Variants in CDYL observed in about 807,000 individuals in gnomAD.
CDYL encodes the protein chromodomain Y-like protein.
A neutral mutation model predicts 47.3 loss-of-function variants in CDYL; 8 were observed. The observed-to-expected ratio is 0.17, with a 90% confidence interval of 0.10 to 0.31. CDYL has a LOEUF of 0.31. CDYL is among the 10% of genes least tolerant of loss of function. CDYL has a pLI of 1.00. For synonymous variants in CDYL, 266 were observed against 265.0 expected (o/e 1.00, Z -0.04); for missense variants, 471 against 701.4 (o/e 0.67, Z 3.71).
At chr6:4,793,365 ATT>A (rs371389227) in intron 1 of CDYL, among the ~76,000 whole-genome samples, 16 of 152,060 alleles carry the variant, frequency 1.1e-4, no homozygotes, top group African/African-American at 3.6e-4. Context: ...GGGTGGTGTT[ATT>A]TTTAGGTGAA....
intron 5 of CDYL, among the ~76,000 whole-genome samples, chr6:4,946,343 C>T (rs946964396): frequency 2.0e-5 from 3 of 152,200 alleles, no homozygotes; most frequent in African/African-American, 7.2e-5. Context: ...TAACCTTGAT[C>T]CACTTTTTTT....
At chr6:4,946,315 T>C (rs1030227219) in intron 5 of CDYL, among the ~76,000 whole-genome samples, 2 of 152,346 alleles carry the variant, frequency 1.3e-5, no homozygotes, top group Admixed American at 6.5e-5. Context: ...CCACCCCTGC[T>C]GGCAGCTAGT....
intron 1 of CDYL, among the ~76,000 whole-genome samples, chr6:4,832,989 G>T (rs1416645099): frequency 6.6e-6 from 1 of 151,766 alleles, no homozygotes; most frequent in African/African-American, 2.4e-5. Context: ...CTTGCTAGCA[G>T]TCTATCAATT....
chr6:4,758,669 A>C (rs115027361), intron 3 of CDYL, among the ~76,000 whole-genome samples: 1,749 of 152,072 alleles, frequency 0.012, 27 homozygotes, highest in African/African-American at 0.04. Context: ...TCTCAAAAAA[A>C]CACTTTGTGT....
At chr6:4,919,903 G>T (rs1268206001) in intron 2 of CDYL, among the ~76,000 whole-genome samples, 2 of 151,260 alleles carry the variant, frequency 1.3e-5, no homozygotes, top group Non-Finnish European at 2.9e-5. Flanking sequence ...AGAAATCTTT[G>T]TACCCCTATG....
intron 1 of CDYL, among the ~76,000 whole-genome samples, chr6:4,804,841 T>TC (rs1399162875): frequency 6.6e-6 from 1 of 152,220 alleles, no homozygotes; most frequent in Non-Finnish European, 1.5e-5. Context: ...GCTTTTTTAG[T>TC]CCATCACTTA....
At chr6:4,833,965 G>C (rs1255890834) in intron 1 of CDYL, among the ~76,000 whole-genome samples, 1 of 151,490 alleles carries the variant, frequency 6.6e-6, no homozygotes, top group Non-Finnish European at 1.5e-5. Context: ...GCCTATGTGT[G>C]TCTCTGCATG....
chr6:4,937,486 A>T, intron 3 of CDYL, 79 bp from the exon 4 acceptor site: 1 of 1,132,752 alleles, frequency 8.8e-7, no homozygotes, highest in South Asian at 1.8e-5. Context: ...ACAGAGTGAG[A>T]CTCTCTCCAA....
chr6:4,920,605 T>A (rs1255390812), intron 2 of CDYL, among the ~76,000 whole-genome samples: 1 of 152,184 alleles, frequency 6.6e-6, no homozygotes, highest in African/African-American at 2.4e-5. Context: ...CAGAGCTCAT[T>A]AATCAAATTC....
chr6:4,791,211 T>C (rs1306495127), intron 1 of CDYL, among the ~76,000 whole-genome samples: 2 of 152,214 alleles, frequency 1.3e-5, no homozygotes, highest in Non-Finnish European at 2.9e-5. Flanking sequence ...CACTGTTCAC[T>C]GTATAACCGA....
intron 1 of CDYL, among the ~76,000 whole-genome samples, chr6:4,871,325 A>G (rs1216723537): frequency 6.6e-6 from 1 of 152,150 alleles, no homozygotes; most frequent in East Asian, 1.9e-4. Context: ...TTGGATTTTA[A>G]TGTGGATTGG....
At chr6:4,776,975 G>A (rs1451998007) in intron 1 of CDYL, among the ~76,000 whole-genome samples, 168 bp downstream of exon 1, 2 of 149,058 alleles carry the variant, frequency 1.3e-5, no homozygotes, top group African/African-American at 4.9e-5. Context: ...CCGAGCCTCC[G>A]TTCCGAGGGG....
chr6:4,937,010 G>T (rs985294222), intron 3 of CDYL, among the ~76,000 whole-genome samples: 2 of 152,194 alleles, frequency 1.3e-5, no homozygotes, highest in Non-Finnish European at 2.9e-5. Flanking sequence ...GTAGATATCA[G>T]TAACTGTATC....
chr6:4,763,938 A>G (rs895425248), intron 3 of CDYL, among the ~76,000 whole-genome samples: 2 of 152,126 alleles, frequency 1.3e-5, no homozygotes, highest in African/African-American at 4.8e-5. Context: ...GTGAGACTCC[A>G]TCCCCCAACC....
intron 1 of CDYL, among the ~76,000 whole-genome samples, chr6:4,891,336 G>A (rs1762034453): frequency 6.6e-6 from 1 of 152,130 alleles, no homozygotes; most frequent in African/African-American, 2.4e-5. Context: ...TTGCCTGGGT[G>A]CCCGCTGCTG....
intron 1 of CDYL, among the ~76,000 whole-genome samples, chr6:4,792,290 G>C (rs558221955): frequency 6.6e-6 from 1 of 151,782 alleles, no homozygotes; most frequent in East Asian, 1.9e-4. Context: ...GTATATAATA[G>C]ATTCTAATCT....
intron 1 of CDYL, among the ~76,000 whole-genome samples, chr6:4,861,839 C>G (rs1761178642): frequency 6.6e-6 from 1 of 152,186 alleles, no homozygotes. Context: ...GACTTCTCCA[C>G]TCAGCAAGCC....
intron 3 of CDYL, among the ~76,000 whole-genome samples, chr6:4,738,201 C>T (rs1412718940): frequency 1.3e-5 from 2 of 152,092 alleles, no homozygotes; most frequent in African/African-American, 2.4e-5. Context: ...CATGGTGAAA[C>T]CCCATCTCTA....
chr6:4,805,435 AG>A (rs1759342722), intron 1 of CDYL, among the ~76,000 whole-genome samples: 1 of 152,200 alleles, frequency 6.6e-6, no homozygotes, highest in Non-Finnish European at 1.5e-5. Flanking sequence ...ATTGTTGGAG[AG>A]GTGTTTAGGA....
Sources: gnomAD v4.1 joint callset for allele counts (sites outside exome capture counted in the v4.1 genomes callset) on GRCh38, gnomAD v4.1.1 for gene constraint, MANE v1.5 for transcripts, NCBI Gene and HGNC (gene_info 2026-07-23, HGNC 2026-07-21) for gene names.